Variants in UVRAG observed in about 807,000 individuals in gnomAD.
UVRAG encodes the protein UV radiation resistance associated, also known as UV radiation resistance-associated gene protein.
UVRAG carries 19 observed loss-of-function variants against 78.0 expected under a neutral mutation model. That is an observed-to-expected ratio of 0.24 (90% confidence interval 0.17 to 0.36). The LOEUF (loss-of-function observed/expected upper bound fraction) is 0.36, where lower values mean the gene tolerates loss of function less well. Among genes scored for constraint, UVRAG ranks in the 10% least tolerant of loss-of-function variants. The pLI is 1.00. For synonymous variants in UVRAG, 323 were observed against 324.6 expected (o/e 1.00, Z 0.05); for missense variants, 740 against 853.8 (o/e 0.87, Z 1.66).
At chr11:76,127,262 T>C (rs1350097615) in intron 14 of UVRAG, among the ~76,000 whole-genome samples, 1 of 151,078 alleles carries the variant, frequency 6.6e-6, no homozygotes, top group Admixed American at 6.6e-5. Flanking sequence ...AAGCATCAGT[T>C]GGATGGTAAC....
At chr11:75,993,293 G>T (rs1452732277) in intron 8 of UVRAG, among the ~76,000 whole-genome samples, 2 of 152,114 alleles carry the variant, frequency 1.3e-5, no homozygotes, top group South Asian at 2.1e-4. Context: ...TTGCTGAGTG[G>T]TCACATAACT....
At chr11:76,007,346 A>G (rs796960175) in intron 9 of UVRAG, among the ~76,000 whole-genome samples, 188 bp from the exon 10 acceptor site, 1 of 152,172 alleles carries the variant, frequency 6.6e-6, no homozygotes, top group African/African-American at 2.4e-5. Flanking sequence ...GTATATAGTT[A>G]GCTTGATTGA....
At chr11:76,008,936 G>A (rs1345971025) in intron 11 of UVRAG, 69 bp downstream of exon 11, 24 of 949,576 alleles carry the variant, frequency 2.5e-5, no homozygotes, top group Non-Finnish European at 3.7e-5. Flanking sequence ...TTGAAATGCT[G>A]GTTGCCTAGC....
intron 1 of UVRAG, among the ~76,000 whole-genome samples, chr11:75,835,800 A>G (rs2135830259): frequency 6.6e-6 from 1 of 152,306 alleles, no homozygotes; most frequent in African/African-American, 2.4e-5. Context: ...AAGGATAAAC[A>G]TTCAACAAAT....
At chr11:76,024,759 T>C (rs775555127) in intron 12 of UVRAG, among the ~76,000 whole-genome samples, 1 of 152,214 alleles carries the variant, frequency 6.6e-6, no homozygotes, top group Non-Finnish European at 1.5e-5. Flanking sequence ...TTAGTGATTA[T>C]GCTTATGCCT....
intron 4 of UVRAG, among the ~76,000 whole-genome samples, chr11:75,887,041 C>G (rs1947094328): frequency 6.6e-6 from 1 of 151,776 alleles, no homozygotes; most frequent in Non-Finnish European, 1.5e-5. Flanking sequence ...TCTCGGCTCA[C>G]TGCAAGCTCC....
Position 76,067,299 on chromosome 11 carries a change from C to T in UVRAG, c.1305+1511C>T, listed in dbSNP as rs191972675. Among the ~76,000 whole-genome samples, 285 of 152,306 alleles carry T rather than the reference C, an allele frequency of 1.9e-3. 1 individual carries two copies. The highest frequency in any genetic ancestry group is 2.6e-3 in the Non-Finnish European group (174 of 68,024). On this transcript the variant is annotated intron_variant, in intron 13 of 14. Transcript: ENST00000356136. Reference sequence around the variant, plus strand: ...GCCCATGACTCACCTTTCCATGTGCCATTCTTCCCACAACTGATGCTTGCC... The same window carrying T: ...GCCCATGACTCACCTTTCCATGTGCTATTCTTCCCACAACTGATGCTTGCC...
intron 8 of UVRAG, among the ~76,000 whole-genome samples, chr11:75,989,086 G>C (rs78795653): frequency 3.3e-5 from 5 of 150,738 alleles, no homozygotes; most frequent in Non-Finnish European, 7.4e-5. Context: ...TTTGAGATGG[G>C]GTCTCACTCT....
chr11:76,108,024 G>A (rs1173110782), intron 13 of UVRAG, among the ~76,000 whole-genome samples: 1 of 152,068 alleles, frequency 6.6e-6, no homozygotes, highest in East Asian at 1.9e-4. Context: ...TGAAAGTGTT[G>A]ATCTTTTAGT....
intron 8 of UVRAG, among the ~76,000 whole-genome samples, chr11:75,993,505 C>T (rs1260068730): frequency 6.6e-6 from 1 of 151,972 alleles, no homozygotes; most frequent in Non-Finnish European, 1.5e-5. Flanking sequence ...ACCAGATTTC[C>T]CCTCAGTAAC....
At chr11:76,055,458 TTGTAG>T (rs1263900367) in intron 12 of UVRAG, among the ~76,000 whole-genome samples, 1 of 152,232 alleles carries the variant, frequency 6.6e-6, no homozygotes, top group East Asian at 1.9e-4. Flanking sequence ...TGAAAGAATC[TTGTAG>T]TGAACACCCA....
chr11:76,141,111 C>T lies in UVRAG; in HGVS notation c.1798C>T (p.Leu600Phe). ...GCACCGGGCCACAGTCAATGGCACT[C>T]TCCTACCCAGCGAGCAGGCCGGGTC... ...SGHRATVNGTLLPSEQAGSAS... is the reference protein window; with the variant it reads ...SGHRATVNGTFLPSEQAGSAS... The change falls in exon 15 of 15, where the codon CTC becomes TTC. Residue 600 changes from leucine (L) to phenylalanine (F), a missense_variant. Coordinates refer to ENST00000356136, the MANE Select transcript of UVRAG (RefSeq NM_003369.4). 1 of 1,614,174 alleles carries T rather than the reference C, an allele frequency of 6.2e-7. No individual in the cohort carries two copies. The highest frequency in any genetic ancestry group is 8.5e-7 in the Non-Finnish European group (1 of 1,180,048).
intron 9 of UVRAG, among the ~76,000 whole-genome samples, chr11:76,005,859 G>A (rs188068059): frequency 1.3e-4 from 20 of 152,318 alleles, no homozygotes; most frequent in African/African-American, 4.6e-4. Context: ...AAAAGATACC[G>A]ATGAGCAAGA....
intron 13 of UVRAG, among the ~76,000 whole-genome samples, chr11:76,080,610 C>T (rs1951477664): frequency 6.6e-6 from 1 of 151,968 alleles, no homozygotes; most frequent in Non-Finnish European, 1.5e-5. Context: ...GGACAAGAAA[C>T]CAGTTTTCTT....
At chr11:75,942,246 A>G (rs1308697774) in intron 6 of UVRAG, 1 of 153,166 alleles carries the variant, frequency 6.5e-6, no homozygotes, top group East Asian at 1.9e-4. Flanking sequence ...GAGGAACTTG[A>G]ATAATTTCAT....
intron 14 of UVRAG, among the ~76,000 whole-genome samples, chr11:76,121,451 A>G (rs144671967): frequency 4.6e-5 from 7 of 152,360 alleles, no homozygotes; most frequent in African/African-American, 1.2e-4. Flanking sequence ...TTCTTTTACT[A>G]TTGCCTGCAT....
chr11:75,913,887 C>G (rs2135036656), intron 6 of UVRAG, among the ~76,000 whole-genome samples: 1 of 152,294 alleles, frequency 6.6e-6, no homozygotes, highest in Admixed American at 6.5e-5. Context: ...ATTGATCTTG[C>G]AATGATTTGG....
At chr11:75,873,448 G>A (rs1946695634) in intron 3 of UVRAG, among the ~76,000 whole-genome samples, 2 of 152,090 alleles carry the variant, frequency 1.3e-5, no homozygotes, top group Admixed American at 1.3e-4. Context: ...GCAGTCGGTG[G>A]CAGGCAGAGA....
intron 14 of UVRAG, among the ~76,000 whole-genome samples, chr11:76,124,655 C>T (rs910471177): frequency 2.6e-5 from 4 of 152,220 alleles, no homozygotes; most frequent in African/African-American, 9.6e-5. Context: ...GTTTAACAAA[C>T]ACCGGTGTTT....
Sources: gnomAD v4.1 joint callset for allele counts (sites outside exome capture counted in the v4.1 genomes callset) on GRCh38, gnomAD v4.1.1 for gene constraint, MANE v1.5 for transcripts, NCBI Gene and HGNC (gene_info 2026-07-23, HGNC 2026-07-21) for gene names.